Variants in OPCML observed in about 807,000 individuals in gnomAD.
OPCML encodes the protein opioid binding protein/cell adhesion molecule like, also known as opioid-binding protein/cell adhesion molecule.
In OPCML, 13 loss-of-function variants were observed where a neutral mutation model predicts 37.8. That is an observed-to-expected ratio of 0.34 (90% CI 0.22 to 0.55). The LOEUF (loss-of-function observed/expected upper bound fraction) is 0.55. OPCML is among the 20% of genes least tolerant of loss of function. The pLI is 0.91. For synonymous variants in OPCML, 176 were observed against 168.8 expected (o/e 1.04, Z -0.33); for missense variants, 341 against 435.6 (o/e 0.78, Z 1.93).
intron 3 of OPCML, among the ~76,000 whole-genome samples, chr11:132,569,583 A>G (rs1189677044): frequency 1.3e-5 from 2 of 152,104 alleles, no homozygotes; most frequent in Admixed American, 6.5e-5. Flanking sequence ...TTCAATCTTC[A>G]TAATGTGGCA....
chr11:132,965,365 G>A (rs185277920), intron 1 of OPCML, among the ~76,000 whole-genome samples: 12 of 152,038 alleles, frequency 7.9e-5, no homozygotes, highest in African/African-American at 1.7e-4. Flanking sequence ...GTTTTGTGTC[G>A]GGGGGAGATG....
At chr11:133,303,082 G>T (rs1485264668) in intron 1 of OPCML, among the ~76,000 whole-genome samples, 1 of 152,144 alleles carries the variant, frequency 6.6e-6, no homozygotes, top group African/African-American at 2.4e-5. Context: ...GCTGATCGTG[G>T]TTATGAAATA....
chr11:133,496,231 G>A (rs1947783891), intron 1 of OPCML, among the ~76,000 whole-genome samples: 1 of 152,098 alleles, frequency 6.6e-6, no homozygotes, highest in African/African-American at 2.4e-5. Flanking sequence ...TTTAATTCTG[G>A]GTTCCCTATT....
intron 1 of OPCML, among the ~76,000 whole-genome samples, chr11:132,986,382 GAATAATT>G (rs1946682023): frequency 6.6e-6 from 1 of 152,090 alleles, no homozygotes; most frequent in Non-Finnish European, 1.5e-5. Context: ...TGAAGAAACA[GAATAATT>G]AAGGTTAAGT....
intron 1 of OPCML, among the ~76,000 whole-genome samples, chr11:133,220,524 G>A (rs564575746): frequency 7.2e-5 from 11 of 152,266 alleles, no homozygotes; most frequent in Non-Finnish European, 1.2e-4. Flanking sequence ...CAGAGGAGGA[G>A]AGGTCTCCCT....
intron 2 of OPCML, among the ~76,000 whole-genome samples, chr11:132,727,234 G>T (rs1432707912): frequency 6.6e-6 from 1 of 152,176 alleles, no homozygotes; most frequent in Non-Finnish European, 1.5e-5. Context: ...AGGTCACGTG[G>T]TTAGGTAAGT....
intron 3 of OPCML, among the ~76,000 whole-genome samples, chr11:132,617,191 T>C (rs1170150108): frequency 1.3e-5 from 2 of 152,208 alleles, no homozygotes; most frequent in African/African-American, 4.8e-5. Flanking sequence ...TATTGCTTTC[T>C]TGAATGTCAA....
chr11:133,280,718 A>G (rs1400288476), intron 1 of OPCML, among the ~76,000 whole-genome samples: 2 of 152,202 alleles, frequency 1.3e-5, no homozygotes, highest in Non-Finnish European at 2.9e-5. Flanking sequence ...TTGTTGGTAG[A>G]AGCTGGTACC....
chr11:133,154,338 C>T (rs1338207090), intron 1 of OPCML, among the ~76,000 whole-genome samples: 1 of 152,088 alleles, frequency 6.6e-6, no homozygotes, highest in Non-Finnish European at 1.5e-5. Flanking sequence ...ATCACGAATT[C>T]CTTCTCTAAA....
chr11:132,467,283 A>C (rs895334689), intron 4 of OPCML, among the ~76,000 whole-genome samples: 1 of 152,228 alleles, frequency 6.6e-6, no homozygotes, highest in African/African-American at 2.4e-5. Context: ...GGGATTACAA[A>C]GGAAAGCAAG....
At chr11:133,092,016 G>A (rs1043009027) in intron 1 of OPCML, among the ~76,000 whole-genome samples, 2 of 152,160 alleles carry the variant, frequency 1.3e-5, no homozygotes, top group Non-Finnish European at 2.9e-5. Flanking sequence ...AAGAGGTGGG[G>A]CATTTGAAAG....
chr11:133,048,497 G>T (rs906947681), intron 1 of OPCML, among the ~76,000 whole-genome samples: 2 of 152,130 alleles, frequency 1.3e-5, no homozygotes, highest in African/African-American at 4.8e-5. Context: ...AATAGACAGA[G>T]AGCACCTACT....
At chr11:132,475,710 G>A (rs1182618778) in intron 4 of OPCML, among the ~76,000 whole-genome samples, 1 of 152,104 alleles carries the variant, frequency 6.6e-6, no homozygotes, top group Non-Finnish European at 1.5e-5. Context: ...AAATATTTCT[G>A]TTGTTTAAGC....
At position 132,415,475 on chromosome 11, in the gene OPCML, T is replaced by C. The variant is rs974222010; in HGVS notation, c.*4718A>G. ...TAACTAACACAAGGGCAGCTTGCAGTACATAGCATTGTTATTACTGATAGC... is the reference window on the plus strand; with the variant it reads ...TAACTAACACAAGGGCAGCTTGCAGCACATAGCATTGTTATTACTGATAGC... On this transcript the variant is annotated 3_prime_UTR_variant, in exon 8 of 8. Transcript: ENST00000524381. 1.3e-5 allele frequency: 2 copies of C among 152,198 alleles called. No homozygotes were observed. Among genetic ancestry groups the C allele is most frequent in the Non-Finnish European group, 2.9e-5 (2 of 68,040 alleles). 9.4% of individuals were successfully genotyped at this position (152,198 alleles called of 1,614,324 possible). A position where few individuals can be genotyped will look rare whatever the true frequency, so the allele number is the denominator to read the frequency against.
intron 1 of OPCML, among the ~76,000 whole-genome samples, chr11:133,520,589 C>A (rs1320305177): frequency 6.6e-6 from 1 of 152,122 alleles, no homozygotes; most frequent in Non-Finnish European, 1.5e-5. Context: ...ATCAGTCAGG[C>A]CCCTTTCTAA....
chr11:133,329,069 A>G (rs1943553258), intron 1 of OPCML, among the ~76,000 whole-genome samples: 1 of 152,182 alleles, frequency 6.6e-6, no homozygotes, highest in Non-Finnish European at 1.5e-5. Context: ...ATCATGAGTG[A>G]ACTCCCATTC....
chr11:133,000,992 C>A (rs1946990432), intron 1 of OPCML, among the ~76,000 whole-genome samples: 1 of 152,168 alleles, frequency 6.6e-6, no homozygotes. Flanking sequence ...ACACTGCTTC[C>A]CCTTTGCCTT....
chr11:132,436,291 T>G, intron 6 of OPCML, 54 bp from the exon 7 acceptor site: 1 of 1,612,142 alleles, frequency 6.2e-7, no homozygotes. Context: ...GCCCTCCTCC[T>G]CACCAAACTC....
At chr11:132,570,411 G>A (rs993451914) in intron 3 of OPCML, among the ~76,000 whole-genome samples, 3 of 152,030 alleles carry the variant, frequency 2.0e-5, no homozygotes, top group Non-Finnish European at 4.4e-5. Flanking sequence ...AAGTTTGTGA[G>A]GACATGAGGG....
Sources: gnomAD v4.1 joint callset for allele counts (sites outside exome capture counted in the v4.1 genomes callset) on GRCh38, gnomAD v4.1.1 for gene constraint, MANE v1.5 for transcripts, NCBI Gene and HGNC (gene_info 2026-07-23, HGNC 2026-07-21) for gene names.